CDA: variants seen among roughly 807,000 people sequenced by gnomAD.
The protein encoded by CDA is cytidine deaminase, also known as cytidine aminohydrolase.
In CDA, 7 loss-of-function variants were observed where a neutral mutation model predicts 15.0. That is an observed-to-expected ratio of 0.47 (90% confidence interval 0.26 to 0.87). CDA has a LOEUF of 0.87. Ranked by LOEUF, CDA falls within the 40% of genes least tolerant of loss-of-function variation. The probability of loss-of-function intolerance (pLI) is 0.15; values close to 1 mark genes in which losing one functional copy is unlikely to be tolerated. For synonymous variants in CDA, 58 were observed against 73.0 expected, an observed-to-expected ratio of 0.79 and a Z score of 1.05; for missense variants, 159 against 182.7, an observed-to-expected ratio of 0.87 and a Z score of 0.75.
intron 1 of CDA, among the ~76,000 whole-genome samples, chr1:20,601,239 C>A (rs2052640844): frequency 6.6e-6 from 1 of 152,132 alleles, no homozygotes; most frequent in Non-Finnish European, 1.5e-5. Context: ...GGAAACATGG[C>A]GGCCCACACT....
intron 1 of CDA, among the ~76,000 whole-genome samples, chr1:20,592,062 G>T (rs139089160): frequency 6.6e-6 from 1 of 151,902 alleles, no homozygotes; most frequent in Non-Finnish European, 1.5e-5. Flanking sequence ...ATCTGGTCTC[G>T]AACTCTGAGG....
At position 20,610,283 on chromosome 1, in the gene CDA, TA is replaced by T. The variant is rs1362252380; in HGVS notation, c.267-3558del. 1.8e-3 allele frequency among the ~76,000 whole-genome samples: 264 copies of T among 146,472 alleles called. 4 individuals are homozygous for T. The highest frequency in any genetic ancestry group is 2.8e-3 in the Non-Finnish European group (182 of 65,512). ...TATCTTTTTTTTTTTTATTTTATTT[TA>T]TTTTTATTTTTATTTATTTATTTTT... On this transcript the variant is annotated intron_variant, in intron 2 of 3. Coordinates refer to ENST00000375071, the MANE Select transcript of CDA (RefSeq NM_001785.3).
At chr1:20,609,935 T>C (rs759005731) in intron 2 of CDA, among the ~76,000 whole-genome samples, 32 of 152,176 alleles carry the variant, frequency 2.1e-4, no homozygotes, top group Admixed American at 2.6e-4. Flanking sequence ...GAACCTTTCA[T>C]TGACTGGACC....
At chr1:20,609,857 T>C (rs1280663639) in intron 2 of CDA, among the ~76,000 whole-genome samples, 4 of 152,212 alleles carry the variant, frequency 2.6e-5, no homozygotes, top group African/African-American at 9.6e-5. Flanking sequence ...CACCCTCTTA[T>C]GTGCCCGTGG....
At chr1:20,590,535 G>T (rs1439046520) in intron 1 of CDA, among the ~76,000 whole-genome samples, 1 of 152,074 alleles carries the variant, frequency 6.6e-6, no homozygotes, top group East Asian at 1.9e-4. Flanking sequence ...TGATTCTTTC[G>T]AAAGCCTCCA....
At chr1:20,596,756 CTTTTTTT>C (rs61288769) in intron 1 of CDA, among the ~76,000 whole-genome samples, 1 of 101,118 alleles carries the variant, frequency 9.9e-6, no homozygotes, top group South Asian at 3.7e-4. Context: ...CTGTTGATGT[CTTTTTTT>C]TTTTTTTTTT....
At chr1:20,618,423 C>G in intron 3 of CDA, 29 bp from the exon 4 acceptor site, 1 of 1,371,846 alleles carries the variant, frequency 7.3e-7, no homozygotes, top group Non-Finnish European at 1.0e-6. Flanking sequence ...CACGCTGTGT[C>G]TCTCACGCCA....
intron 1 of CDA, among the ~76,000 whole-genome samples, chr1:20,601,834 A>G (rs1389521021): frequency 6.6e-6 from 1 of 152,200 alleles, no homozygotes. Flanking sequence ...TTGGACTTAT[A>G]AAAGGAGGTG....
intron 1 of CDA, among the ~76,000 whole-genome samples, chr1:20,592,301 T>C (rs1289907489): frequency 6.6e-6 from 1 of 152,196 alleles, no homozygotes; most frequent in African/African-American, 2.4e-5. Context: ...ATTTCACCCC[T>C]GGTTGTGAGG....
intron 1 of CDA, among the ~76,000 whole-genome samples, chr1:20,604,020 C>A (rs1027532480): frequency 6.6e-6 from 1 of 151,300 alleles, no homozygotes; most frequent in African/African-American, 2.4e-5. Context: ...ACAGGCAACT[C>A]GCACAAAGCT....
chr1:20,601,637 G>C (rs1557547740), intron 1 of CDA, among the ~76,000 whole-genome samples: 1 of 152,150 alleles, frequency 6.6e-6, no homozygotes, highest in African/African-American at 2.4e-5. Flanking sequence ...AATGACATCC[G>C]TCAACTCTGG....
chr1:20,599,155 G>C (rs1436572222), intron 1 of CDA, among the ~76,000 whole-genome samples: 4 of 152,160 alleles, frequency 2.6e-5, no homozygotes, highest in Admixed American at 1.3e-4. Flanking sequence ...GAGAGTTCCA[G>C]GCAATGGGAA....
chr1:20,591,094 C>T (rs1313203864), intron 1 of CDA, among the ~76,000 whole-genome samples: 3 of 152,194 alleles, frequency 2.0e-5, no homozygotes, highest in African/African-American at 7.2e-5. Context: ...AACCCCAGCA[C>T]TTTGGGAGGC....
At chr1:20,604,802 C>T (rs898470277) in intron 1 of CDA, 126 bp from the exon 2 acceptor site, 5 of 723,962 alleles carry the variant, frequency 6.9e-6, no homozygotes, top group Non-Finnish European at 1.3e-5. Context: ...TTGCCCTGTC[C>T]TTCTCCCCAC....
At chr1:20,597,377 C>T (rs2052600773) in intron 1 of CDA, among the ~76,000 whole-genome samples, 1 of 152,172 alleles carries the variant, frequency 6.6e-6, no homozygotes, top group South Asian at 2.1e-4. Context: ...GGAGGCGGAG[C>T]TTGCAGTGAG....
At chr1:20,606,699 C>T (rs1402338166) in intron 2 of CDA, among the ~76,000 whole-genome samples, 1 of 152,130 alleles carries the variant, frequency 6.6e-6, no homozygotes, top group Non-Finnish European at 1.5e-5. Flanking sequence ...CAGAGTCCAG[C>T]CAAGGTTCTG....
chr1:20,593,340 C>T (rs1297800133), intron 1 of CDA, among the ~76,000 whole-genome samples: 1 of 152,138 alleles, frequency 6.6e-6, no homozygotes, highest in East Asian at 1.9e-4. Flanking sequence ...TGATGGGGGA[C>T]AATGAGTTTC....
intron 1 of CDA, among the ~76,000 whole-genome samples, 182 bp downstream of exon 1, chr1:20,589,465 GCTTAAAT>G (rs1401393252): frequency 6.6e-6 from 1 of 152,166 alleles, no homozygotes; most frequent in Non-Finnish European, 1.5e-5. Context: ...CTCAAATGTG[GCTTAAAT>G]CCAGGGTCTT....
chr1:20,602,146 G>C (rs72650803), intron 1 of CDA, among the ~76,000 whole-genome samples: 1 of 120,662 alleles, frequency 8.3e-6, no homozygotes, highest in African/African-American at 3.2e-5. Context: ...GAGAGGAGGA[G>C]AAAGGAGGGG....
Sources: allele counts gnomAD v4.1 joint callset (sites outside exome capture counted in the v4.1 genomes callset), GRCh38; gene constraint gnomAD v4.1.1; transcripts MANE v1.5; gene names NCBI Gene and HGNC (gene_info 2026-07-23, HGNC 2026-07-21).